Variants in ERBB4 observed in about 807,000 individuals in gnomAD.
The protein encoded by ERBB4 is receptor tyrosine-protein kinase erbB-4.
A neutral mutation model predicts 158.0 loss-of-function variants in ERBB4; 42 were observed. The observed-to-expected ratio is 0.27, with a 90% confidence interval of 0.21 to 0.34. ERBB4 has a LOEUF of 0.34. Among genes scored for constraint, ERBB4 ranks in the 10% least tolerant of loss-of-function variants. The pLI, the probability that ERBB4 is intolerant of heterozygous loss-of-function variation, is 1.00. For synonymous variants in ERBB4, 583 were observed against 558.7 expected, an observed-to-expected ratio of 1.04 and a Z score of -0.61; for missense variants, 1,333 against 1,624.1, an observed-to-expected ratio of 0.82 and a Z score of 3.08.
At chr2:212,273,607 A>C (rs1296854070) in intron 1 of ERBB4, among the ~76,000 whole-genome samples, 1 of 151,850 alleles carries the variant, frequency 6.6e-6, no homozygotes, top group East Asian at 1.9e-4. Context: ...CTCATCATAA[A>C]GTAACATTCA....
At chr2:212,167,234 A>G (rs1163505196) in intron 1 of ERBB4, among the ~76,000 whole-genome samples, 1 of 152,182 alleles carries the variant, frequency 6.6e-6, no homozygotes, top group Non-Finnish European at 1.5e-5. Flanking sequence ...AGGAACTTAA[A>G]CAAATTTACA....
At chr2:212,507,099 C>A (rs914463679) in intron 1 of ERBB4, among the ~76,000 whole-genome samples, 1 of 152,114 alleles carries the variant, frequency 6.6e-6, no homozygotes, top group Admixed American at 6.5e-5. Flanking sequence ...CCTAAATCTA[C>A]TCTGCCTGTG....
intron 3 of ERBB4, among the ~76,000 whole-genome samples, chr2:211,905,670 A>ATATATATG (rs1305395456): frequency 1.6e-5 from 2 of 126,998 alleles, no homozygotes; most frequent in Non-Finnish European, 3.3e-5. Flanking sequence ...ATATATATAT[A>ATATATATG]TATATATATA....
intron 4 of ERBB4, among the ~76,000 whole-genome samples, chr2:211,754,956 C>T (rs931204207): frequency 2.0e-5 from 3 of 152,172 alleles, no homozygotes; most frequent in Non-Finnish European, 2.9e-5. Context: ...CTGTCTTGGC[C>T]TCCCAAAGTG....
At chr2:212,013,207 C>A (rs2076433144) in intron 2 of ERBB4, among the ~76,000 whole-genome samples, 8 of 152,066 alleles carry the variant, frequency 5.3e-5, no homozygotes, top group Admixed American at 5.2e-4. Flanking sequence ...CAGGCACTCA[C>A]CCCAACGCCC....
chr2:211,504,543 C>T (rs1442853415), intron 20 of ERBB4, among the ~76,000 whole-genome samples: 5 of 151,898 alleles, frequency 3.3e-5, no homozygotes, highest in East Asian at 1.9e-4. Flanking sequence ...ACTCTAGCAC[C>T]GTGAAGAAAC....
At chr2:211,761,767 C>A (rs900485559) in intron 4 of ERBB4, among the ~76,000 whole-genome samples, 1 of 152,176 alleles carries the variant, frequency 6.6e-6, no homozygotes, top group Admixed American at 6.5e-5. Context: ...CAAAATACAA[C>A]TGAGTATGTA....
At chr2:211,683,466 C>CA (rs2072439183) in intron 12 of ERBB4, among the ~76,000 whole-genome samples, 1 of 151,968 alleles carries the variant, frequency 6.6e-6, no homozygotes, top group African/African-American at 2.4e-5. Context: ...GCATTTTTGT[C>CA]AATTAGAATA....
chr2:211,991,488 A>T (rs1346628662), intron 2 of ERBB4, among the ~76,000 whole-genome samples: 1 of 152,168 alleles, frequency 6.6e-6, no homozygotes, highest in Non-Finnish European at 1.5e-5. Flanking sequence ...AGTAGCTTTC[A>T]TATAAATATT....
At chr2:212,184,548 T>C (rs920885411) in intron 1 of ERBB4, among the ~76,000 whole-genome samples, 11 of 152,102 alleles carry the variant, frequency 7.2e-5, no homozygotes, top group Admixed American at 2.6e-4. Flanking sequence ...AGTCAAACAC[T>C]TACATCTGGC....
chr2:211,805,992 AG>A (rs1363872397), intron 3 of ERBB4, among the ~76,000 whole-genome samples: 1 of 152,024 alleles, frequency 6.6e-6, no homozygotes, highest in Non-Finnish European at 1.5e-5. Context: ...GGATACATCC[AG>A]GAAGTCAAGC....
intron 19 of ERBB4, among the ~76,000 whole-genome samples, chr2:211,606,819 C>T (rs2068998491): frequency 6.6e-6 from 1 of 152,100 alleles, no homozygotes; most frequent in Non-Finnish European, 1.5e-5. Flanking sequence ...GTGAATGCTG[C>T]ACATTTTGAA....
At chr2:211,491,585 A>G (rs1398744582) in intron 20 of ERBB4, among the ~76,000 whole-genome samples, 1 of 152,066 alleles carries the variant, frequency 6.6e-6, no homozygotes, top group African/African-American at 2.4e-5. Flanking sequence ...TTGAACACCT[A>G]CTATGATAAG....
At chr2:212,021,995 T>C (rs1047063655) in intron 2 of ERBB4, among the ~76,000 whole-genome samples, 22 of 152,282 alleles carry the variant, frequency 1.4e-4, no homozygotes, top group East Asian at 1.2e-3. Context: ...CCAGTCAGAA[T>C]TGTGATTATT....
chr2:211,746,901 C>G (rs192437011), intron 5 of ERBB4, among the ~76,000 whole-genome samples: 1 of 151,150 alleles, frequency 6.6e-6, no homozygotes, highest in Non-Finnish European at 1.5e-5. Flanking sequence ...AACCTAAGGA[C>G]AGCAGTGTAG....
intron 1 of ERBB4, among the ~76,000 whole-genome samples, chr2:212,352,253 A>C (rs1033534245): frequency 6.6e-6 from 1 of 152,032 alleles, no homozygotes; most frequent in African/African-American, 2.4e-5. Context: ...TAATCTGTAC[A>C]TCAACATCCC....
chr2:212,028,925 G>A (rs2076837097), intron 2 of ERBB4, among the ~76,000 whole-genome samples: 2 of 152,034 alleles, frequency 1.3e-5, no homozygotes, highest in South Asian at 4.1e-4. Context: ...TAACTGCAGA[G>A]GTGGGGCTTA....
At chr2:212,183,688 T>C (rs925723916) in intron 1 of ERBB4, among the ~76,000 whole-genome samples, 7 of 151,994 alleles carry the variant, frequency 4.6e-5, no homozygotes, top group Admixed American at 4.6e-4. Context: ...AAGTAGACTA[T>C]ACAAGATGTA....
intron 3 of ERBB4, among the ~76,000 whole-genome samples, chr2:211,864,649 G>A (rs2078157782): frequency 6.6e-6 from 1 of 152,078 alleles, no homozygotes; most frequent in South Asian, 2.1e-4. Flanking sequence ...TTGAATCTCT[G>A]CCATTATGTA....
Sources: gnomAD v4.1 joint callset for allele counts (sites outside exome capture counted in the v4.1 genomes callset) on GRCh38, gnomAD v4.1.1 for gene constraint, MANE v1.5 for transcripts, NCBI Gene and HGNC (gene_info 2026-07-23, HGNC 2026-07-21) for gene names.